The following PLEKHA6 variants were observed in gnomAD, a reference collection of about 807,000 sequenced individuals.
PLEKHA6 encodes the protein pleckstrin homology domain-containing family A member 6.
In PLEKHA6, 60 loss-of-function variants were observed where a neutral mutation model predicts 116.7. The ratio of observed to expected loss-of-function variants is 0.51; its 90% CI spans 0.42 to 0.64. PLEKHA6 has a LOEUF of 0.64. Ranked by LOEUF, PLEKHA6 falls within the 30% of genes least tolerant of loss-of-function variation. The probability of loss-of-function intolerance (pLI) is 0.00; values close to 1 mark genes in which losing one functional copy is unlikely to be tolerated. For synonymous variants in PLEKHA6, 489 were observed against 556.1 expected (o/e 0.88, Z 1.70); for missense variants, 1,338 against 1,422.7 (o/e 0.94, Z 0.96).
At chr1:204,268,733 T>C (rs1667123870) in intron 3 of PLEKHA6, among the ~76,000 whole-genome samples, 1 of 151,906 alleles carries the variant, frequency 6.6e-6, no homozygotes, top group African/African-American at 2.4e-5. Flanking sequence ...CGTCATCTCA[T>C]GCCCAACATA....
intron 3 of PLEKHA6, among the ~76,000 whole-genome samples, chr1:204,366,456 C>A (rs917745745): frequency 6.6e-6 from 1 of 152,116 alleles, no homozygotes; most frequent in Non-Finnish European, 1.5e-5. Flanking sequence ...AATTTGCTTT[C>A]GCTTTAAGAA....
chr1:204,318,917 C>T (rs577900869), intron 1 of PLEKHA6, among the ~76,000 whole-genome samples: 21 of 152,128 alleles, frequency 1.4e-4, no homozygotes, highest in African/African-American at 4.1e-4. Context: ...TGAGTGAGCC[C>T]GCAGTGCAGA....
chr1:204,261,295 C>A lies in PLEKHA6; in HGVS notation c.524+11G>T. 6.2e-7 allele frequency: 1 copy of A among 1,614,104 alleles called. No individual in the cohort carries two copies. The highest frequency in any genetic ancestry group is 8.5e-7 in the Non-Finnish European group (1 of 1,179,948). ...TTCCTGCACCCCCACACTCAATTCC[C>A]TGGCACTCACCTGTGCCGCACAGCT... On this transcript the variant is annotated intron_variant, in intron 7 of 22. Coordinates refer to ENST00000272203, the MANE Select transcript of PLEKHA6 (RefSeq NM_014935.5). This position sits in a 1 kb window ranked among gnomAD's most constrained non-coding sequence, Gnocchi z 4.0.
At chr1:204,339,300 G>A (rs1261857099) in intron 1 of PLEKHA6, among the ~76,000 whole-genome samples, 4 of 152,250 alleles carry the variant, frequency 2.6e-5, no homozygotes, top group Non-Finnish European at 5.9e-5. Context: ...ACCCCTCCCC[G>A]AGCCCAGTCA....
chr1:204,370,833 C>T (rs2103413541), intron 2 of PLEKHA6, among the ~76,000 whole-genome samples: 1 of 152,230 alleles, frequency 6.6e-6, no homozygotes, highest in East Asian at 1.9e-4. Context: ...GTGGGTGGAT[C>T]ACCTGAGGTC....
rs541613582 is a variant in PLEKHA6 at position 204,277,555 on chromosome 1, C to A, written c.-94-2746G>T. ...AGACAGTCCTCCTGCCTCCCCAATTCTCAACCCACAATACAGGCTCCTGAG... is the reference window on the plus strand; with the variant it reads ...AGACAGTCCTCCTGCCTCCCCAATTATCAACCCACAATACAGGCTCCTGAG... On this transcript the variant is annotated intron_variant, in intron 1 of 22. Transcript: ENST00000272203. This position sits in a 1 kb window ranked among gnomAD's most constrained non-coding sequence, Gnocchi z 4.1. The A allele has an allele frequency of 4.6e-5, 7 of 152,300 alleles. No homozygotes were observed. The South Asian group carries it at 1.2e-3, about 27-fold the overall frequency. 9.4% of individuals were successfully genotyped at this position (152,300 alleles called of 1,614,324 possible). A position where few individuals can be genotyped will look rare whatever the true frequency, so the allele number is the denominator to read the frequency against.
At chr1:204,339,192 T>C (rs1158024300) in intron 1 of PLEKHA6, among the ~76,000 whole-genome samples, 1 of 152,168 alleles carries the variant, frequency 6.6e-6, no homozygotes, top group Non-Finnish European at 1.5e-5. Context: ...CGATGACAGC[T>C]GGCATCCTTT....
intron 1 of PLEKHA6, among the ~76,000 whole-genome samples, chr1:204,343,041 A>C (rs977233594): frequency 2.6e-5 from 4 of 152,184 alleles, no homozygotes; most frequent in Admixed American, 6.5e-5. Flanking sequence ...CTTGACCCTG[A>C]CCTTCCCTCT....
Position 204,261,242 on chromosome 1 carries a change from G to A in PLEKHA6, c.524+64C>T. The A allele has an allele frequency of 6.3e-7, 1 of 1,576,496 alleles. No individual in the cohort carries two copies. The highest frequency in any genetic ancestry group is 8.7e-7 in the Non-Finnish European group (1 of 1,145,892). On this transcript the variant is annotated intron_variant, in intron 7 of 22. Transcript: ENST00000272203. The surrounding 1 kb of genome is among the most constrained non-coding windows in gnomAD (Gnocchi z 4.0). ...TGGGATTAGCAATGGCCCAGAGCTG[G>A]GTGTGTCTTCCATTCCCCTCTTTAT...
At chr1:204,377,455 T>A (rs984421801) in intron 1 of PLEKHA6, 1 of 152,078 alleles carries the variant, frequency 6.6e-6, no homozygotes, top group Non-Finnish European at 1.5e-5. Flanking sequence ...ATAAACTTAT[T>A]AGTCATGCCC....
At chr1:204,348,724 CGCCA>C (rs1673165928) in intron 1 of PLEKHA6, among the ~76,000 whole-genome samples, 1 of 133,192 alleles carries the variant, frequency 7.5e-6, no homozygotes, top group Non-Finnish European at 1.6e-5. Context: ...ACCCCCCCCC[CGCCA>C]TCTCCCCCAC....
Position 204,249,500 on chromosome 1 carries a change from G to A in PLEKHA6, c.1594-236C>T, listed in dbSNP as rs543360847. Among the ~76,000 whole-genome samples, 86 of 152,270 alleles carry A rather than the reference G, an allele frequency of 5.6e-4. 2 individuals carry two copies. The highest frequency in any genetic ancestry group is 1.9e-3 in the African/African-American group (81 of 41,552). On this transcript the variant is annotated intron_variant, in intron 10 of 22. Coordinates refer to ENST00000272203, the MANE Select transcript of PLEKHA6 (RefSeq NM_014935.5). ...GGAAGTGAGTTGGGTTAAGAGGGCTGAGAGGCAAGTGTTAAACTCTGGCAC... is the reference window on the plus strand; with the variant it reads ...GGAAGTGAGTTGGGTTAAGAGGGCTAAGAGGCAAGTGTTAAACTCTGGCAC...
At chr1:204,299,544 C>T in intron 1 of PLEKHA6, 1 of 801,730 alleles carries the variant, frequency 1.2e-6, no homozygotes, top group Non-Finnish European at 1.5e-6. Flanking sequence ...GAGCCGGCAG[C>T]CAGCAAGCTG....
At position 204,223,477 on chromosome 1, in the gene PLEKHA6, C is replaced by A. The variant is rs372291432; in HGVS notation, c.3140G>T (p.Arg1047Leu). 1 of 1,538,904 alleles carries A rather than the reference C, an allele frequency of 6.5e-7. No homozygotes were observed. The highest frequency in any genetic ancestry group is 8.8e-7 in the Non-Finnish European group (1 of 1,135,540). ...PRGADSSYTM[R>L]V is the part of the protein sequence containing the mutation. Reference sequence around the variant, plus strand: ...AAGTGCTTACGTCAGAGCTCAGACCCGCATGGTATAGCTGCTGTCGGCGCC... The same window carrying A: ...AAGTGCTTACGTCAGAGCTCAGACCAGCATGGTATAGCTGCTGTCGGCGCC... Residue 1047 changes from arginine to leucine, a missense_variant, in exon 22 of 23, where the codon CGG (arginine) becomes CTG (leucine). Transcript: ENST00000272203. This position sits in a 1 kb window ranked among gnomAD's most constrained non-coding sequence, Gnocchi z 4.8.
intron 1 of PLEKHA6, chr1:204,299,542 A>T: frequency 5.1e-6 from 4 of 776,836 alleles, no homozygotes; most frequent in Non-Finnish European, 6.3e-6. Flanking sequence ...CTGAGCCGGC[A>T]GCCAGCAAGC....
chr1:204,292,669 TGGGTGGATG>T, intron 1 of PLEKHA6, among the ~76,000 whole-genome samples: 1 of 152,162 alleles, frequency 6.6e-6, no homozygotes, highest in Non-Finnish European at 1.5e-5. Flanking sequence ...CACCCAGCAC[TGGGTGGATG>T]CTCCTGGAGC....
rs1553275657 is a variant in PLEKHA6, at chr1:204,308,687, C to CTTTTTCT, written c.-94-33879_-94-33878insAGAAAAA. Reference sequence around the variant, plus strand: ...CAAGAAGGTAATTCTTTTTCTTTTTCTTTTTTTTTTTTTTTTTTTTTGAGA... The same window carrying CTTTTTCT: ...CAAGAAGGTAATTCTTTTTCTTTTTCTTTTTCTTTTTTTTTTTTTTTTTTTTTTGAGA... On this transcript the variant is annotated intron_variant, in intron 1 of 22. Transcript: ENST00000272203. Among the ~76,000 whole-genome samples the CTTTTTCT allele has an allele frequency of 2.3e-3, 187 of 81,428 alleles. 5 individuals carry two copies. Among genetic ancestry groups the CTTTTTCT allele is most frequent in the African/African-American group, 8.3e-3 (154 of 18,644 alleles). 53.4% of individuals were successfully genotyped at this position (81,428 alleles called of 152,430 possible).
At chr1:204,231,390 T>C (rs758688397) in intron 17 of PLEKHA6, among the ~76,000 whole-genome samples, 6 of 152,136 alleles carry the variant, frequency 3.9e-5, no homozygotes, top group African/African-American at 9.7e-5. Flanking sequence ...AGGATCCTGA[T>C]GGATACCAAA....
intron 1 of PLEKHA6, among the ~76,000 whole-genome samples, chr1:204,322,211 G>A (rs920542986): frequency 2.6e-5 from 4 of 152,136 alleles, no homozygotes; most frequent in South Asian, 2.1e-4. Flanking sequence ...CCTCAGGTCC[G>A]TCTGAACCCG....
Sources: allele counts gnomAD v4.1 joint callset (sites outside exome capture counted in the v4.1 genomes callset), GRCh38; gene constraint gnomAD v4.1.1; non-coding constraint Gnocchi (gnomAD v3.1); transcripts MANE v1.5; gene names NCBI Gene and HGNC (gene_info 2026-07-23, HGNC 2026-07-21).